The following CNNM3 variants were observed in gnomAD, a reference collection of about 807,000 sequenced individuals.
The protein encoded by CNNM3 is metal transporter CNNM3.
A neutral mutation model predicts 57.1 loss-of-function variants in CNNM3; 47 were observed. The ratio of observed to expected loss-of-function variants is 0.82; its 90% CI spans 0.65 to 1.05. CNNM3 has a LOEUF of 1.05. Among genes scored for constraint, CNNM3 ranks in the 50% least tolerant of loss-of-function variants. CNNM3 has a pLI of 0.00. For synonymous variants in CNNM3, 507 were observed against 478.2 expected, an observed-to-expected ratio of 1.06 and a Z score of -0.79; for missense variants, 957 against 973.7, an observed-to-expected ratio of 0.98 and a Z score of 0.23.
chr2:96,827,751 C>A lies in CNNM3; in HGVS notation c.1540C>A (p.Leu514Met), dbSNP rs1400827410. ...TGCAGAAGTGGATGTATTCAGCCCGCTGCGCATCTCTGAGAAGGTCCTGCT... is the reference window on the plus strand; with the variant it reads ...TGCAGAAGTGGATGTATTCAGCCCGATGCGCATCTCTGAGAAGGTCCTGCT... ...LSREVDVFSP[L>M]RISEKVLLHL... The change falls in exon 4 of 8, where the codon CTG becomes ATG. Residue 514 changes from leucine (L) to methionine (M), a missense_variant. Coordinates refer to ENST00000305510, the MANE Select transcript of CNNM3 (RefSeq NM_017623.5). 6.2e-7 allele frequency: 1 copy of A among 1,614,050 alleles called. No homozygotes were observed. The highest frequency in any genetic ancestry group is 1.3e-5 in the African/African-American group (1 of 75,060).
At chr2:96,819,645 G>C (rs1159667844) in intron 1 of CNNM3, among the ~76,000 whole-genome samples, 1 of 152,132 alleles carries the variant, frequency 6.6e-6, no homozygotes, top group Non-Finnish European at 1.5e-5. Flanking sequence ...CTGTCCTTTT[G>C]GTGTTCAAAG....
chr2:96,829,720 G>A (rs2079570558), intron 7 of CNNM3, among the ~76,000 whole-genome samples: 1 of 151,930 alleles, frequency 6.6e-6, no homozygotes, highest in Non-Finnish European at 1.5e-5. Flanking sequence ...ATAGTAAGTC[G>A]GTATTTCTCT....
intron 7 of CNNM3, among the ~76,000 whole-genome samples, chr2:96,830,148 C>T (rs1049888668): frequency 4.6e-5 from 7 of 152,184 alleles, no homozygotes; most frequent in South Asian, 2.1e-4. Flanking sequence ...ATTCTGATTG[C>T]GTTCCTAAGG....
chr2:96,824,203 C>G (rs2079455704), intron 1 of CNNM3, among the ~76,000 whole-genome samples: 2 of 152,210 alleles, frequency 1.3e-5, no homozygotes. Flanking sequence ...TTCCCCAGCA[C>G]TCTGAGACTT....
chr2:96,829,203 T>C (rs2079560917), intron 7 of CNNM3, 69 bp downstream of exon 7: 1 of 1,540,824 alleles, frequency 6.5e-7, no homozygotes, highest in Admixed American at 1.9e-5. Context: ...CACACAGACT[T>C]GCACTCTCGC....
At chr2:96,819,352 A>C (rs2153353608) in intron 1 of CNNM3, among the ~76,000 whole-genome samples, 1 of 152,326 alleles carries the variant, frequency 6.6e-6, no homozygotes. Flanking sequence ...CAGGCCCTGA[A>C]GGCTGCTCAG....
chr2:96,837,165 C>G (rs2079700832), downstream of CNNM3: 1 of 152,210 alleles, frequency 6.6e-6, no homozygotes, highest in African/African-American at 2.4e-5. Flanking sequence ...TCCTCTCACT[C>G]TATTCTTTTT....
downstream of CNNM3, chr2:96,836,849 T>C (rs1265728758): frequency 1.3e-5 from 2 of 150,704 alleles, no homozygotes; most frequent in Non-Finnish European, 3.0e-5. Context: ...TAAAAGAAGT[T>C]TTATAGTTTT....
In CNNM3 at chr2:96,823,664, T is replaced by C. The variant is rs565311993; in HGVS notation, c.1226-1394T>C. 5.9e-5 allele frequency among the ~76,000 whole-genome samples: 9 copies of C among 152,278 alleles called. 1 individual carries two copies. The South Asian group carries it at 1.7e-3, about 28-fold the overall frequency. ...TTTATTTAATCAAGCCCATGGGATGTAAAGTATGATCCACACAACAACACA... is the reference window on the plus strand; with the variant it reads ...TTTATTTAATCAAGCCCATGGGATGCAAAGTATGATCCACACAACAACACA... On this transcript the variant is annotated intron_variant, in intron 1 of 7. Coordinates refer to ENST00000305510, the MANE Select transcript of CNNM3 (RefSeq NM_017623.5).
intron 1 of CNNM3, chr2:96,824,769 G>A (rs1050216329): frequency 7.0e-6 from 3 of 425,958 alleles, no homozygotes; most frequent in African/African-American, 6.0e-5. Context: ...TGTCATGGAG[G>A]TGCACGGACC....
chr2:96,816,449 C>G lies in CNNM3; in HGVS notation c.172C>G (p.Pro58Ala). 7.0e-7 allele frequency: 1 copy of G among 1,437,472 alleles called. No homozygotes were observed. Among genetic ancestry groups the G allele is most frequent in the Non-Finnish European group, 9.1e-7 (1 of 1,094,770 alleles). The allele number at this position is 1,437,472 out of a possible 1,614,324, so 89.0% of individuals were successfully genotyped here. The change falls in exon 1 of 8, where the codon CCG becomes GCG. Residue 58 changes from proline (P) to alanine (A), a missense_variant. Transcript: ENST00000305510. ...WVRGGAARDT[P>A]DATFLLRLFG... ...ACGCGGAGGGGCGGCGCGGGACACG[C>G]CGGACGCCACCTTCCTCCTGCGCCT...
In CNNM3 at chr2:96,816,634, G is replaced by T. The variant is rs986770732; in HGVS notation, c.357G>T (p.Val119=). The T allele has an allele frequency of 2.6e-6, 3 of 1,133,714 alleles. No individual in the cohort carries two copies. Among genetic ancestry groups the T allele is most frequent in the African/African-American group, 1.6e-5 (1 of 60,656 alleles). 70.2% of individuals were successfully genotyped at this position (1,133,714 alleles called of 1,614,324 possible). ...AVRPHSALLA[V]RVEPGGGAAE... ...GCCCGCACTCGGCGCTGCTGGCGGT[G>T]CGCGTGGAGCCGGGTGGCGGGGCGG... The change falls in exon 1 of 8, where the codon GTG becomes GTT. Residue 119 remains valine (V), a synonymous_variant. Coordinates refer to ENST00000305510, the MANE Select transcript of CNNM3 (RefSeq NM_017623.5).
At chr2:96,825,486 T>C (rs1487527061) in intron 2 of CNNM3, among the ~76,000 whole-genome samples, 2 of 152,366 alleles carry the variant, frequency 1.3e-5, no homozygotes, top group East Asian at 3.9e-4. Context: ...CCTCCATTAC[T>C]GAGAGAGCTC....
intron 3 of CNNM3, among the ~76,000 whole-genome samples, chr2:96,827,348 A>G (rs1290645405): frequency 1.3e-5 from 2 of 150,646 alleles, no homozygotes; most frequent in East Asian, 3.9e-4. Context: ...GCTCACTGCA[A>G]CCTCCGCCTT....
chr2:96,836,301 G>T, downstream of CNNM3, among the ~76,000 whole-genome samples: 1 of 146,010 alleles, frequency 6.8e-6, no homozygotes, highest in Non-Finnish European at 1.5e-5. Flanking sequence ...GGAGTTCAAT[G>T]GCGTGGTCTC....
Position 96,832,757 on chromosome 2 carries a change from G to A in CNNM3, c.*141G>A. ...TGGCCCTTGTAGTTGCGGGTCCTGG[G>A]TGTCCTCAGAACTAGACATCAATGC... On this transcript the variant is annotated 3_prime_UTR_variant, in exon 8 of 8. Coordinates refer to ENST00000305510, the MANE Select transcript of CNNM3 (RefSeq NM_017623.5). 1 of 1,524,528 alleles carries A rather than the reference G, an allele frequency of 6.6e-7. No individual in the cohort carries two copies. The highest frequency in any genetic ancestry group is 2.4e-5 in the East Asian group (1 of 42,106). 94.4% of individuals were successfully genotyped at this position (1,524,528 alleles called of 1,614,324 possible).
chr2:96,826,025 G>GC (rs1182327484), intron 2 of CNNM3, among the ~76,000 whole-genome samples: 1 of 152,212 alleles, frequency 6.6e-6, no homozygotes, highest in Non-Finnish European at 1.5e-5. Context: ...CGCCTGCCCT[G>GC]CATGCTTCCA....
Position 96,816,920 on chromosome 2 carries a change from C to A in CNNM3, c.643C>A (p.Arg215Ser). Residue 215 changes from arginine (R) to serine (S), a missense_variant, in exon 1 of 8, where the codon CGC becomes AGC. By Grantham distance (110) the Arg-to-Ser change is moderately radical. This residue lies in a region of CNNM3 where 466 missense variants were observed against 403.1 expected (regional missense o/e 1.16). Coordinates refer to ENST00000305510, the MANE Select transcript of CNNM3 (RefSeq NM_017623.5). ...AQAALAVLLYRAAGQRAVPAV... is the reference protein window; with the variant it reads ...AQAALAVLLYSAAGQRAVPAV... The stretch of plus-strand genomic sequence containing the variant: ...GGCGGCGCTGGCGGTGCTGCTGTAC[C>A]GCGCGGCCGGCCAGCGTGCGGTGCC... 1.7e-6 allele frequency: 2 copies of A among 1,194,706 alleles called. No homozygotes were observed. Among genetic ancestry groups the A allele is most frequent in the South Asian group, 5.4e-5 (2 of 37,208 alleles). 74.0% of individuals were successfully genotyped at this position (1,194,706 alleles called of 1,614,324 possible).
rs1198155604 is a variant in CNNM3, at chr2:96,834,516, T to TTTAA, written c.*1903_*1906dup. ...GGCACCACCACACCCAGCTAATACT[T>TTTAA]TTAATTTTTTTTTGTAGAGATAGGG... On this transcript the variant is annotated 3_prime_UTR_variant, in exon 8 of 8. Coordinates refer to ENST00000305510, the MANE Select transcript of CNNM3 (RefSeq NM_017623.5). Among the ~76,000 whole-genome samples the TTTAA allele has an allele frequency of 6.6e-6, 1 of 151,458 alleles. No individual in the cohort carries two copies. Among genetic ancestry groups the TTTAA allele is most frequent in the Non-Finnish European group, 1.5e-5 (1 of 67,970 alleles).
Sources: allele counts gnomAD v4.1 joint callset (sites outside exome capture counted in the v4.1 genomes callset), GRCh38; gene constraint gnomAD v4.1.1; regional missense constraint gnomAD v4.1.1; transcripts MANE v1.5; gene names NCBI Gene and HGNC (gene_info 2026-07-23, HGNC 2026-07-21).